Variants in BRCA1 observed in about 807,000 individuals in gnomAD.
BRCA1 encodes the protein breast cancer type 1 susceptibility protein.
A neutral mutation model predicts 173.7 loss-of-function variants in BRCA1; 140 were observed. The ratio of observed to expected loss-of-function variants is 0.81; its 90% CI spans 0.70 to 0.93. The LOEUF is 0.93. Ranked by LOEUF, BRCA1 falls within the 40% of genes least tolerant of loss-of-function variation. The probability of loss-of-function intolerance (pLI) is 0.00; values close to 1 mark genes in which losing one functional copy is unlikely to be tolerated. For missense variants in BRCA1, 1,983 were observed against 2,172.5 expected, an observed-to-expected ratio of 0.91 and a Z score of 1.73; for synonymous variants, 662 against 756.0, an observed-to-expected ratio of 0.88 and a Z score of 2.04.
intron 11 of BRCA1, 120 bp downstream of exon 11, chr17:43,090,824 A>C: frequency 1.0e-6 from 1 of 980,264 alleles, no homozygotes; most frequent in Non-Finnish European, 1.6e-6. Context: ...AATGAACCAC[A>C]AACAATTGTG....
rs8176266 is a variant in BRCA1 at position 43,061,743 on chromosome 17, C to T, written c.5193+1590G>A. Among the ~76,000 whole-genome samples, 8,267 of 152,064 alleles carry T rather than the reference C, an allele frequency of 0.054. 331 individuals carry two copies. The highest frequency in any genetic ancestry group is 0.078 in the Middle Eastern group (23 of 294). On this transcript the variant is annotated intron_variant, in intron 18 of 22. Coordinates refer to ENST00000357654, the MANE Select transcript of BRCA1 (RefSeq NM_007294.4). ...GATTACAGGCACATGCCACCACGCT[C>T]GACTAATTTTTTTGTGTTTTTAGTA...
chr17:43,071,343 A>G (rs761382531), intron 14 of BRCA1, 105 bp from the exon 15 acceptor site: 147 of 1,271,864 alleles, frequency 1.2e-4, no homozygotes, highest in African/African-American at 4.0e-4. Context: ...AGGTTAAGAG[A>G]AAAATGGGTA....
At chr17:43,123,141 GGATTGCTT>G (rs1396385367) in intron 2 of BRCA1, among the ~76,000 whole-genome samples, 1 of 151,768 alleles carries the variant, frequency 6.6e-6, no homozygotes, top group African/African-American at 2.4e-5. Flanking sequence ...TGAGGTGGGA[GGATTGCTT>G]GAGCCTGACG....
chr17:43,064,683 A>C (rs2051977170), intron 16 of BRCA1, among the ~76,000 whole-genome samples: 1 of 152,210 alleles, frequency 6.6e-6, no homozygotes, highest in Non-Finnish European at 1.5e-5. Flanking sequence ...CAGAATCCTT[A>C]CAATTTTTGA....
At chr17:43,113,644 G>A (rs2055137218) in intron 3 of BRCA1, among the ~76,000 whole-genome samples, 1 of 151,990 alleles carries the variant, frequency 6.6e-6, no homozygotes, top group African/African-American at 2.4e-5. Flanking sequence ...TGGTATTATA[G>A]GCGTGAGCCA....
At chr17:43,155,886 T>A (rs1012637369) in intron 1 of BRCA1, among the ~76,000 whole-genome samples, 2 of 152,140 alleles carry the variant, frequency 1.3e-5, no homozygotes, top group African/African-American at 4.8e-5. Context: ...AAAGAACAAG[T>A]ATCCTGGTAG....
chr17:43,123,269 A>G (rs2055667666), intron 2 of BRCA1, among the ~76,000 whole-genome samples: 1 of 151,422 alleles, frequency 6.6e-6, no homozygotes, highest in Non-Finnish European at 1.5e-5. Flanking sequence ...ATAAGTATGT[A>G]ATTTCATTGT....
At chr17:43,056,701 AAG>A (rs151321765) in intron 19 of BRCA1, among the ~76,000 whole-genome samples, 11 of 150,788 alleles carry the variant, frequency 7.3e-5, no homozygotes, top group Admixed American at 2.0e-4. Flanking sequence ...GAGAGAGAGC[AAG>A]AGAGAGAGAG....
upstream of BRCA1, among the ~76,000 whole-genome samples, chr17:43,127,840 C>T (rs1344692301): frequency 6.6e-6 from 1 of 150,734 alleles, no homozygotes; most frequent in African/African-American, 2.5e-5. Flanking sequence ...CTGGCTAACA[C>T]AGTGAAACCC....
At chr17:43,063,271 T>A (rs2051846021) in intron 18 of BRCA1, 62 bp downstream of exon 18, 1 of 1,388,114 alleles carries the variant, frequency 7.2e-7, no homozygotes, top group Non-Finnish European at 1.0e-6. Context: ...AGGAAGCAAA[T>A]ACATTTTTAA....
intron 18 of BRCA1, among the ~76,000 whole-genome samples, chr17:43,059,010 A>C (rs8176274): frequency 6.6e-6 from 1 of 152,214 alleles, no homozygotes; most frequent in Non-Finnish European, 1.5e-5. Flanking sequence ...TACTAGGGGA[A>C]GAATATCTGA....
At chr17:43,163,640 C>G (rs1314983796) in intron 1 of BRCA1, 1 of 152,144 alleles carries the variant, frequency 6.6e-6, no homozygotes, top group Non-Finnish European at 1.5e-5. Context: ...AAAGGGATAG[C>G]CAATTGGACT....
chr17:43,099,471 A>G (rs1465887672), intron 7 of BRCA1, among the ~76,000 whole-genome samples: 2 of 151,484 alleles, frequency 1.3e-5, no homozygotes, highest in Non-Finnish European at 2.9e-5. Flanking sequence ...GAGTTTCTCC[A>G]TGTTGGCTAG....
At chr17:43,144,482 TCTC>T (rs2056103804) in intron 1 of BRCA1, among the ~76,000 whole-genome samples, 1 of 151,926 alleles carries the variant, frequency 6.6e-6, no homozygotes, top group Admixed American at 6.6e-5. Flanking sequence ...AATTGTAAAA[TCTC>T]CACCCTCTGA....
At chr17:43,091,321 A>C in intron 10 of BRCA1, 114 bp downstream of exon 10, 1 of 1,353,726 alleles carries the variant, frequency 7.4e-7, no homozygotes, top group Non-Finnish European at 1.0e-6. Context: ...AAGTTTAAGA[A>C]GCAGTTCCTT....
chr17:43,128,125 C>T (rs974490391), upstream of BRCA1, among the ~76,000 whole-genome samples: 2 of 151,192 alleles, frequency 1.3e-5, no homozygotes, highest in Admixed American at 1.3e-4. Flanking sequence ...TTCTTGTGCT[C>T]TTTGCAATAA....
At chr17:43,047,771 AT>A (rs376647498) in intron 21 of BRCA1, 68 bp from the exon 22 acceptor site, 87 of 1,559,854 alleles carry the variant, frequency 5.6e-5, no homozygotes, top group East Asian at 9.0e-5. Context: ...TCACTTCATC[AT>A]TTTTTTTGTT....
Position 43,065,497 on chromosome 17 carries a change from T to C in BRCA1, c.5075-1546A>G, listed in dbSNP as rs8176244. On this transcript the variant is annotated intron_variant, in intron 16 of 22. Coordinates refer to ENST00000357654, the MANE Select transcript of BRCA1 (RefSeq NM_007294.4). ...CAGCCTGACTGACATGGAAAAACCC[T>C]GTCTCTACTAAAAATACAAAATTAG... Among the ~76,000 whole-genome samples, 2,139 of 152,200 alleles carry C rather than the reference T, an allele frequency of 0.014. 53 individuals are homozygous for C. The highest frequency in any genetic ancestry group is 0.048 in the African/African-American group (2,004 of 41,524).
chr17:43,067,556 A>G, intron 16 of BRCA1, 52 bp downstream of exon 16: 2 of 1,467,692 alleles, frequency 1.4e-6, no homozygotes, highest in Non-Finnish European at 1.9e-6. Flanking sequence ...GCCTCGCCTC[A>G]TGTGGTTTTA....
Sources: allele counts gnomAD v4.1 joint callset (sites outside exome capture counted in the v4.1 genomes callset), GRCh38; gene constraint gnomAD v4.1.1; transcripts MANE v1.5; gene names NCBI Gene and HGNC (gene_info 2026-07-23, HGNC 2026-07-21).